ZDHHC19: variants seen among roughly 807,000 people sequenced by gnomAD.
ZDHHC19 encodes the protein zDHHC palmitoyltransferase 19.
Under a neutral mutation model 33.9 loss-of-function variants are expected in ZDHHC19, and 30 were observed. The ratio of observed to expected loss-of-function variants is 0.88; its 90% confidence interval spans 0.66 to 1.20. ZDHHC19 has a LOEUF of 1.20. Ranked by LOEUF, ZDHHC19 falls within the 50% of genes most tolerant of loss-of-function variation. ZDHHC19 has a pLI of 0.00. For synonymous variants in ZDHHC19, 178 were observed against 167.6 expected (o/e 1.06, Z -0.48); for missense variants, 364 against 401.1 (o/e 0.91, Z 0.79).
rs188564129 is a variant in ZDHHC19, at chr3:196,201,112, G to A, written c.688-2238C>T. Among the ~76,000 whole-genome samples, 192 of 151,430 alleles carry A rather than the reference G, an allele frequency of 1.3e-3. 1 individual carries two copies. The highest frequency in any genetic ancestry group is 1.7e-3 in the Non-Finnish European group (117 of 67,938). ...TTTTGAGACGGAGTCTCACTGTGTC[G>A]CCCAGGCTGGAGTGCAGTGGCACGA... On this transcript the variant is annotated intron_variant, in intron 5 of 7. Coordinates refer to ENST00000296326, the MANE Select transcript of ZDHHC19 (RefSeq NM_001039617.2).
intron 5 of ZDHHC19, among the ~76,000 whole-genome samples, chr3:196,204,616 C>A (rs769799270): frequency 1.2e-4 from 19 of 152,106 alleles, no homozygotes; most frequent in Non-Finnish European, 2.5e-4. Flanking sequence ...ATGCTTAAAC[C>A]ATTAGTCATT....
intron 1 of ZDHHC19, 133 bp from the exon 2 acceptor site, chr3:196,210,870 C>A: frequency 7.3e-7 from 1 of 1,377,212 alleles, no homozygotes; most frequent in Non-Finnish European, 9.7e-7. Flanking sequence ...AATACCCAGG[C>A]AGACTCATAA....
In ZDHHC19 at chr3:196,204,337, A is replaced by T. The variant is rs77693333; in HGVS notation, c.687+3061T>A. 3.3e-3 allele frequency among the ~76,000 whole-genome samples: 501 copies of T among 152,354 alleles called. 1 individual carries two copies. Among genetic ancestry groups the T allele is most frequent in the African/African-American group, 0.011 (471 of 41,584 alleles). ...ATCTAACAAAATGGATACAAAATCT[A>T]TATGCTGAAAAACACAAAATAAGGA... On this transcript the variant is annotated intron_variant, in intron 5 of 7. Coordinates refer to ENST00000296326, the MANE Select transcript of ZDHHC19 (RefSeq NM_001039617.2).
chr3:196,198,542 C>T (rs1458191387), intron 6 of ZDHHC19, 91 bp from the exon 7 acceptor site: 2 of 1,567,456 alleles, frequency 1.3e-6, no homozygotes, highest in Non-Finnish European at 1.7e-6. Flanking sequence ...CGGCCCAGGG[C>T]TTAGCTCTGC....
Position 196,197,964 on chromosome 3 carries a change from C to T in ZDHHC19, c.*20-239G>A, listed in dbSNP as rs1577308643. Among the ~76,000 whole-genome samples the T allele has an allele frequency of 1.3e-5, 2 of 152,170 alleles. No individual in the cohort carries two copies. Among genetic ancestry groups the T allele is most frequent in the East Asian group, 3.9e-4 (2 of 5,190 alleles). ...AAAGAGTCTCCCGCCACCCGCACCC[C>T]CTGGCCAAATTATAAACCACGAGAC... On this transcript the variant is annotated intron_variant, in intron 7 of 7. Transcript: ENST00000296326. This position sits in a 1 kb window ranked among gnomAD's most constrained non-coding sequence, Gnocchi z 4.4.
chr3:196,200,359 A>AAAT (rs1553817394), intron 5 of ZDHHC19, among the ~76,000 whole-genome samples: 1 of 124,008 alleles, frequency 8.1e-6, no homozygotes, highest in Non-Finnish European at 1.6e-5. Flanking sequence ...TATATATATA[A>AAAT]TTTTTTTTTT....
intron 7 of ZDHHC19, 70 bp downstream of exon 7, chr3:196,198,206 A>T: frequency 7.5e-7 from 1 of 1,336,494 alleles, no homozygotes; most frequent in Non-Finnish European, 9.7e-7. Flanking sequence ...GCCTCCCCCC[A>T]CACCCTCACA....
Position 196,211,248 on chromosome 3 carries a change from G to A in ZDHHC19, c.68C>T (p.Pro23Leu), listed in dbSNP as rs1723281981. Reference protein sequence around the residue: ...EPHPLPLVPRPWFLPSLFAAF... With the variant: ...EPHPLPLVPRLWFLPSLFAAF... ...AGCAAAGAGGCTAGGGAGGAACCAG[G>A]GACGTGGGACCAGAGGCAGGGGATG... The change falls in exon 1 of 8, where the codon CCC (proline) becomes CTC (leucine). Residue 23 changes from proline to leucine, a missense_variant. Coordinates refer to ENST00000296326, the MANE Select transcript of ZDHHC19 (RefSeq NM_001039617.2). The A allele has an allele frequency of 5.0e-6, 8 of 1,614,174 alleles. No homozygotes were observed. Among genetic ancestry groups the A allele is most frequent in the Non-Finnish European group, 6.8e-6 (8 of 1,180,024 alleles).
intron 5 of ZDHHC19, among the ~76,000 whole-genome samples, chr3:196,199,886 A>C (rs946349815): frequency 6.6e-6 from 1 of 151,928 alleles, no homozygotes; most frequent in African/African-American, 2.4e-5. Flanking sequence ...CGGAGGTTGC[A>C]GTGAGCCGAG....
At chr3:196,207,841 C>T (rs1487611048) in intron 4 of ZDHHC19, among the ~76,000 whole-genome samples, 1 of 124,878 alleles carries the variant, frequency 8.0e-6, no homozygotes, top group African/African-American at 3.0e-5. Flanking sequence ...CCCGCCCACC[C>T]CCTTGAAAGC....
chr3:196,204,122 CACAG>C (rs1347774216), intron 5 of ZDHHC19, among the ~76,000 whole-genome samples: 4 of 152,084 alleles, frequency 2.6e-5, no homozygotes, highest in Non-Finnish European at 5.9e-5. Flanking sequence ...TGTCCTTTTT[CACAG>C]ACAACAGGAT....
At position 196,208,421 on chromosome 3, in the gene ZDHHC19, G is replaced by C. The variant is rs2108738591; in HGVS notation, c.548C>G (p.Thr183Ser). Reference protein sequence around the residue: ...VTCLIFLVRTTHLPFSTDKAI... With the variant: ...VTCLIFLVRTSHLPFSTDKAI... The stretch of plus-strand genomic sequence containing the variant: ...CTTGTCGGTGGAGAAGGGCAGGTGG[G>C]TTGTGCGCACCAGGAAGATGAGACA... The change falls in exon 4 of 8, where the codon ACC becomes AGC. Residue 183 changes from threonine to serine, a missense_variant. Thr to Ser is a moderately conservative substitution (Grantham distance 58). Transcript: ENST00000296326. 1.2e-6 allele frequency: 2 copies of C among 1,614,154 alleles called. No individual in the cohort carries two copies. Among genetic ancestry groups the C allele is most frequent in the East Asian group, 2.2e-5 (1 of 44,888 alleles).
chr3:196,198,487 C>A (rs372572645), intron 6 of ZDHHC19, 36 bp from the exon 7 acceptor site: 122 of 1,595,908 alleles, frequency 7.6e-5, no homozygotes, highest in Non-Finnish European at 1.0e-4. Flanking sequence ...GGGCCACCGT[C>A]CTCCCTGGTC....
chr3:196,208,767 C>T (rs1347851265), intron 3 of ZDHHC19: 4 of 593,680 alleles, frequency 6.7e-6, no homozygotes, highest in East Asian at 2.9e-5. Flanking sequence ...CTGGTATATA[C>T]GGTCACCTGT....
chr3:196,201,750 A>G (rs1336733227), intron 5 of ZDHHC19, among the ~76,000 whole-genome samples: 1 of 151,960 alleles, frequency 6.6e-6, no homozygotes, highest in African/African-American at 2.4e-5. Context: ...AGAAACCAAC[A>G]GCTCTGAAGC....
rs1722502374 is a variant in ZDHHC19 at position 196,203,281 on chromosome 3, A to G, written c.687+4117T>C. Among the ~76,000 whole-genome samples, 1 of 152,088 alleles carries G rather than the reference A, an allele frequency of 6.6e-6. No homozygotes were observed. The highest frequency in any genetic ancestry group is 1.5e-5 in the Non-Finnish European group (1 of 68,006). The stretch of plus-strand genomic sequence containing the variant: ...AAAAAGAAAGAAAGAAGAAAGAAAG[A>G]GAGAGAGAAATTGAACGGTATTAAT... On this transcript the variant is annotated intron_variant, in intron 5 of 7. Transcript: ENST00000296326. This position sits in a 1 kb window ranked among gnomAD's most constrained non-coding sequence, Gnocchi z 4.3.
At chr3:196,198,045 G>A (rs1721932656) in intron 7 of ZDHHC19, among the ~76,000 whole-genome samples, 1 of 152,086 alleles carries the variant, frequency 6.6e-6, no homozygotes, top group African/African-American at 2.4e-5. Flanking sequence ...ACATGTAGTG[G>A]GGGAGTCATC....
intron 5 of ZDHHC19, among the ~76,000 whole-genome samples, chr3:196,201,165 C>T (rs747852691): frequency 3.3e-4 from 50 of 151,580 alleles, no homozygotes; most frequent in Non-Finnish European, 5.7e-4. Context: ...CTCCGCCTCC[C>T]GGGTTCAAGC....
intron 5 of ZDHHC19, among the ~76,000 whole-genome samples, chr3:196,199,902 G>A (rs1282635187): frequency 8.6e-5 from 13 of 151,898 alleles, no homozygotes; most frequent in African/African-American, 2.2e-4. Flanking sequence ...CCGAGATCAT[G>A]CCACTGCACT....
Sources: gnomAD v4.1 joint callset for allele counts (sites outside exome capture counted in the v4.1 genomes callset) on GRCh38, gnomAD v4.1.1 for gene constraint, Gnocchi (gnomAD v3.1) non-coding constraint, MANE v1.5 for transcripts, NCBI Gene and HGNC (gene_info 2026-07-23, HGNC 2026-07-21) for gene names.